Variants in ADGRL3 observed in about 807,000 individuals in gnomAD.
ADGRL3 encodes calcium-independent alpha-latrotoxin receptor 3.
Under a neutral mutation model 153.5 loss-of-function variants are expected in ADGRL3, and 62 were observed. The ratio of observed to expected loss-of-function variants is 0.40; its 90% CI spans 0.33 to 0.50. ADGRL3 has a LOEUF of 0.50. Ranked by LOEUF, ADGRL3 falls within the 20% of genes least tolerant of loss-of-function variation. The pLI is 0.47. For synonymous variants in ADGRL3, 710 were observed against 672.5 expected, an observed-to-expected ratio of 1.06 and a Z score of -0.86; for missense variants, 1,641 against 1,859.4, an observed-to-expected ratio of 0.88 and a Z score of 2.16.
rs1487540190 is a variant in ADGRL3 at position 61,775,798 on chromosome 4, A to T, written c.1400-38011A>T. ...GAGGGCAGTCTTCAGCACCTCCTGT[A>T]AAGCAGTATTAACGTCCATTACGCT... On this transcript the variant is annotated intron_variant, in intron 8 of 26. Coordinates refer to ENST00000683033, the MANE Select transcript of ADGRL3 (RefSeq NM_001387552.1). The T allele has an allele frequency of 5.2e-6, 4 of 765,556 alleles. No individual in the cohort carries two copies. The African/African-American group carries it at 6.8e-5, about 13-fold the overall frequency. 47.4% of individuals were successfully genotyped at this position (765,556 alleles called of 1,614,324 possible). A position where few individuals can be genotyped will look rare whatever the true frequency, so the allele number is the denominator to read the frequency against.
chr4:61,747,192 G>C (rs914275257), intron 8 of ADGRL3, among the ~76,000 whole-genome samples: 1 of 151,538 alleles, frequency 6.6e-6, no homozygotes, highest in African/African-American at 2.4e-5. Flanking sequence ...CCAATAACAG[G>C]CTCTGAAATT....
chr4:61,473,266 A>G (rs901176466), intron 2 of ADGRL3, among the ~76,000 whole-genome samples: 2 of 151,062 alleles, frequency 1.3e-5, no homozygotes, highest in African/African-American at 2.4e-5. Flanking sequence ...AGTAGGGGAA[A>G]CTTTTAAAAT....
Position 62,078,018 on chromosome 4 carries a change from G to A in ADGRL3, c.*7110G>A, listed in dbSNP as rs1747693435. 2 of 152,020 alleles carry A rather than the reference G, an allele frequency of 1.3e-5. No homozygotes were observed. Among genetic ancestry groups the A allele is most frequent in the East Asian group, 1.9e-4 (1 of 5,158 alleles). 9.4% of individuals were successfully genotyped at this position (152,020 alleles called of 1,614,324 possible). A position where few individuals can be genotyped will look rare whatever the true frequency, so the allele number is the denominator to read the frequency against. On this transcript the variant is annotated 3_prime_UTR_variant, in exon 27 of 27. Transcript: ENST00000683033. ...TCCATACTGTTTTCCCCCTCACCAA[G>A]CATTAAATCTAATTCAAAATATGTC... is the stretch of plus-strand genomic sequence containing the variant.
intron 1 of ADGRL3, among the ~76,000 whole-genome samples, chr4:61,230,907 A>G (rs1389823945): frequency 6.6e-6 from 1 of 152,234 alleles, no homozygotes; most frequent in African/African-American, 2.4e-5. Context: ...AAGTGCTGAT[A>G]AAAACCAGGC....
intron 6 of ADGRL3, among the ~76,000 whole-genome samples, chr4:61,692,783 T>G (rs1381555594): frequency 6.6e-6 from 1 of 152,176 alleles, no homozygotes; most frequent in Admixed American, 6.6e-5. Context: ...CTTTAAATTT[T>G]TGAATAGCTA....
At chr4:61,960,345 A>T (rs186625013) in intron 17 of ADGRL3, among the ~76,000 whole-genome samples, 201 of 152,296 alleles carry the variant, frequency 1.3e-3, no homozygotes, top group African/African-American at 4.7e-3. Flanking sequence ...CAAAAACAAG[A>T]CCCTGAACCA....
At chr4:61,375,777 T>C (rs1022347734) in intron 1 of ADGRL3, among the ~76,000 whole-genome samples, 4 of 152,266 alleles carry the variant, frequency 2.6e-5, no homozygotes, top group African/African-American at 9.6e-5. Context: ...TCTTTGTATA[T>C]TCATCTTAGA....
At chr4:61,252,913 AGCCAGGTAAACTT>A (rs1408631834) in intron 1 of ADGRL3, among the ~76,000 whole-genome samples, 16 of 152,294 alleles carry the variant, frequency 1.1e-4, no homozygotes, top group Middle Eastern at 3.4e-3. Flanking sequence ...TGATTTGAAA[AGCCAGGTAAACTT>A]GCCTTTTCTG....
intron 17 of ADGRL3, among the ~76,000 whole-genome samples, chr4:61,965,795 T>C (rs1400122159): frequency 5.3e-5 from 8 of 152,070 alleles, no homozygotes; most frequent in Non-Finnish European, 1.2e-4. Flanking sequence ...ATGGCTAAAC[T>C]AAACCATTTT....
At chr4:62,055,751 C>T (rs944125604) in intron 25 of ADGRL3, among the ~76,000 whole-genome samples, 1 of 151,486 alleles carries the variant, frequency 6.6e-6, no homozygotes, top group Non-Finnish European at 1.5e-5. Flanking sequence ...TTGAACTAAT[C>T]ATTGTTTGTA....
chr4:61,770,486 A>T (rs141798133), intron 8 of ADGRL3, among the ~76,000 whole-genome samples: 1 of 152,208 alleles, frequency 6.6e-6, no homozygotes, highest in African/African-American at 2.4e-5. Context: ...ATTTTGAGGC[A>T]TATCTATTAT....
intron 3 of ADGRL3, among the ~76,000 whole-genome samples, chr4:61,505,326 T>A (rs1466401444): frequency 2.0e-5 from 3 of 152,298 alleles, no homozygotes; most frequent in Non-Finnish European, 4.4e-5. Context: ...TATTAACCCT[T>A]GTCAGATGAT....
At chr4:61,773,284 C>G (rs760669920) in intron 8 of ADGRL3, among the ~76,000 whole-genome samples, 5 of 152,008 alleles carry the variant, frequency 3.3e-5, no homozygotes, top group African/African-American at 4.8e-5. Flanking sequence ...ATCAGTTATC[C>G]CTTAGTAATA....
At chr4:61,828,139 G>A (rs1237511994) in intron 9 of ADGRL3, among the ~76,000 whole-genome samples, 3 of 152,080 alleles carry the variant, frequency 2.0e-5, no homozygotes, top group African/African-American at 7.2e-5. Context: ...CTATAGAGTG[G>A]GAACCACCTC....
chr4:61,793,422 A>G (rs887281681), intron 8 of ADGRL3, among the ~76,000 whole-genome samples: 2 of 152,074 alleles, frequency 1.3e-5, no homozygotes, highest in Non-Finnish European at 2.9e-5. Context: ...GACTCCATCA[A>G]AAACAAACAA....
intron 23 of ADGRL3, among the ~76,000 whole-genome samples, chr4:62,036,441 A>G (rs1334418960): frequency 3.3e-5 from 5 of 151,844 alleles, no homozygotes; most frequent in East Asian, 1.9e-4. Context: ...TATCTCTATC[A>G]TTTTTCTTAT....
chr4:61,779,315 G>A (rs2097187459), intron 8 of ADGRL3, among the ~76,000 whole-genome samples: 3 of 151,786 alleles, frequency 2.0e-5, no homozygotes, highest in South Asian at 4.2e-4. Context: ...AAACTCTGCG[G>A]GGGGGTGGAG....
At chr4:61,495,673 T>G (rs2098307731) in intron 2 of ADGRL3, among the ~76,000 whole-genome samples, 1 of 152,206 alleles carries the variant, frequency 6.6e-6, no homozygotes, top group Non-Finnish European at 1.5e-5. Flanking sequence ...TTGGGAAGAC[T>G]TGAAGAGGAG....
chr4:61,802,905 C>A, intron 8 of ADGRL3, among the ~76,000 whole-genome samples: 1 of 151,924 alleles, frequency 6.6e-6, no homozygotes, highest in Non-Finnish European at 1.5e-5. Context: ...AAAGAAAAAT[C>A]CTTTATGAAT....
Sources: allele counts gnomAD v4.1 joint callset (sites outside exome capture counted in the v4.1 genomes callset), GRCh38; gene constraint gnomAD v4.1.1; transcripts MANE v1.5; gene names NCBI Gene and HGNC (gene_info 2026-07-23, HGNC 2026-07-21).